Variants in GALNT13 observed in about 807,000 individuals in gnomAD.
The protein encoded by GALNT13 is polypeptide N-acetylgalactosaminyltransferase 13.
GALNT13 carries 28 observed loss-of-function variants against 64.2 expected under a neutral mutation model. The ratio of observed to expected loss-of-function variants is 0.44; its 90% CI spans 0.32 to 0.60. The LOEUF (loss-of-function observed/expected upper bound fraction) is 0.60, where lower values mean the gene tolerates loss of function less well. Among genes scored for constraint, GALNT13 ranks in the 20% least tolerant of loss-of-function variants. The probability of loss-of-function intolerance (pLI) is 0.05; values close to 1 mark genes in which losing one functional copy is unlikely to be tolerated. For synonymous variants in GALNT13, 214 were observed against 224.6 expected (o/e 0.95, Z 0.42); for missense variants, 577 against 669.8 (o/e 0.86, Z 1.53).
intron 9 of GALNT13, among the ~76,000 whole-genome samples, chr2:154,337,972 C>A (rs191504777): frequency 6.6e-6 from 1 of 152,068 alleles, no homozygotes; most frequent in East Asian, 1.9e-4. Flanking sequence ...AGCAAGTTAT[C>A]TCAGTAGTTA....
the GALNT13 span, among the ~76,000 whole-genome samples, chr2:153,528,235 G>A: frequency 4.0e-5 from 6 of 151,764 alleles, no homozygotes; most frequent in Non-Finnish European, 7.4e-5. Flanking sequence ...GATGGAAGAA[G>A]ATATTCCATG....
intron 8 of GALNT13, among the ~76,000 whole-genome samples, chr2:154,291,811 G>A (rs952890191): frequency 6.6e-6 from 1 of 152,280 alleles, no homozygotes; most frequent in African/African-American, 2.4e-5. Context: ...GGCCGAGGCC[G>A]AGGAGGTGCC....
the GALNT13 span, among the ~76,000 whole-genome samples, chr2:153,765,621 A>G: frequency 6.6e-6 from 1 of 152,136 alleles, no homozygotes; most frequent in Non-Finnish European, 1.5e-5. Context: ...ACATGAGATA[A>G]GACTTTGGGG....
the GALNT13 span, among the ~76,000 whole-genome samples, chr2:153,239,334 T>C: frequency 6.6e-6 from 1 of 152,210 alleles, no homozygotes; most frequent in Non-Finnish European, 1.5e-5. Flanking sequence ...TATTTCTTTC[T>C]GTAGTCTGAT....
chr2:153,701,910 A>G, the GALNT13 span, among the ~76,000 whole-genome samples: 1 of 152,204 alleles, frequency 6.6e-6, no homozygotes. Flanking sequence ...ACCACGGTGG[A>G]AGATAGTGTG....
the GALNT13 span, among the ~76,000 whole-genome samples, chr2:153,349,547 T>C: frequency 6.6e-6 from 1 of 152,212 alleles, no homozygotes; most frequent in African/African-American, 2.4e-5. Context: ...AAGTTTTAAA[T>C]GACAGCTCTT....
intron 3 of GALNT13, among the ~76,000 whole-genome samples, chr2:153,988,057 CATATATATAT>C (rs149702413): frequency 3.0e-4 from 35 of 118,178 alleles, no homozygotes; most frequent in Non-Finnish European, 6.1e-4. Flanking sequence ...TAGGAGGTGA[CATATATATAT>C]ATATATACAC....
At chr2:153,403,110 T>C in the GALNT13 span, among the ~76,000 whole-genome samples, 10 of 151,942 alleles carry the variant, frequency 6.6e-5, no homozygotes, top group East Asian at 5.9e-4. Context: ...GTTTTTGGTG[T>C]GGATGTCCTT....
intron 3 of GALNT13, among the ~76,000 whole-genome samples, chr2:153,965,072 A>T (rs1005089017): frequency 6.6e-6 from 1 of 152,128 alleles, no homozygotes; most frequent in African/African-American, 2.4e-5. Flanking sequence ...ATTTTTAAGG[A>T]TACATAACAG....
the GALNT13 span, among the ~76,000 whole-genome samples, chr2:153,236,793 T>C: frequency 1.3e-5 from 2 of 152,098 alleles, no homozygotes; most frequent in Non-Finnish European, 2.9e-5. Flanking sequence ...CTGCAGCCCA[T>C]AAATCAAGGA....
chr2:153,728,557 C>T, the GALNT13 span, among the ~76,000 whole-genome samples: 7 of 151,930 alleles, frequency 4.6e-5, no homozygotes, highest in Non-Finnish European at 7.4e-5. Context: ...GATCACAAAT[C>T]GACACCCTGA....
At chr2:153,168,010 C>T in the GALNT13 span, among the ~76,000 whole-genome samples, 1 of 152,114 alleles carries the variant, frequency 6.6e-6, no homozygotes, top group East Asian at 1.9e-4. Flanking sequence ...GCTATGACTC[C>T]TCAAGATTTA....
the GALNT13 span, among the ~76,000 whole-genome samples, chr2:153,259,251 T>C: frequency 0.83 from 126,390 of 152,046 alleles, 53,778 homozygotes; most frequent in African/African-American, 0.93. Context: ...TCTCTGGCTC[T>C]TTTTTGTTTT....
chr2:154,184,640 G>A (rs1388112781), intron 4 of GALNT13, among the ~76,000 whole-genome samples: 1 of 151,956 alleles, frequency 6.6e-6, no homozygotes, highest in African/African-American at 2.4e-5. Flanking sequence ...GATTTATTTG[G>A]CTCATGATTA....
rs1166868330 is a variant in GALNT13 at position 154,242,723 on chromosome 2, T to C, written c.504T>C (p.Asn168=). ...ATTTTCTCAAGTTGACATTAGAGAA[T>C]TACGTGAAAAATTTAGAAGTGCCAG... is the stretch of plus-strand genomic sequence containing the variant. The part of the protein sequence containing the change: ...ERDFLKLTLE[N]YVKNLEVPVK... The change falls in exon 6 of 13, where the codon AAT becomes AAC. Residue 168 remains asparagine, a synonymous_variant. Coordinates refer to ENST00000392825, the MANE Select transcript of GALNT13 (RefSeq NM_052917.4). 1.9e-6 allele frequency: 3 copies of C among 1,612,564 alleles called. No homozygotes were observed. Among genetic ancestry groups the C allele is most frequent in the East Asian group, 4.5e-5 (2 of 44,864 alleles).
the GALNT13 span, among the ~76,000 whole-genome samples, chr2:153,533,452 A>G: frequency 6.6e-6 from 1 of 152,054 alleles, no homozygotes; most frequent in Admixed American, 6.5e-5. Context: ...GGGTTTTGCC[A>G]TCTTGGCTAG....
chr2:153,204,290 G>C, the GALNT13 span, among the ~76,000 whole-genome samples: 1 of 152,060 alleles, frequency 6.6e-6, no homozygotes, highest in Non-Finnish European at 1.5e-5. Context: ...TACTTCTCTC[G>C]CCTCTTGAGG....
At chr2:154,268,333 A>G (rs1427282332) in intron 8 of GALNT13, among the ~76,000 whole-genome samples, 2 of 152,210 alleles carry the variant, frequency 1.3e-5, no homozygotes, top group Non-Finnish European at 1.5e-5. Context: ...ATACTATATG[A>G]CTTCATTTGT....
At chr2:154,437,770 G>A (rs868612649) in intron 11 of GALNT13, 11 of 361,398 alleles carry the variant, frequency 3.0e-5, no homozygotes, top group Non-Finnish European at 4.4e-5. Context: ...CAGGAGAATC[G>A]CTTGAATCCG....
Sources: allele counts gnomAD v4.1 joint callset (sites outside exome capture counted in the v4.1 genomes callset), GRCh38; gene constraint gnomAD v4.1.1; transcripts MANE v1.5; gene names NCBI Gene and HGNC (gene_info 2026-07-23, HGNC 2026-07-21).